Variants in CSTPP1 observed in about 807,000 individuals in gnomAD.
The protein encoded by CSTPP1 is centriolar satellite-associated tubulin polyglutamylase complex regulator 1, also known as UPF0705 protein C11orf49.
the CSTPP1 span, among the ~76,000 whole-genome samples, chr11:47,115,191 T>A: frequency 1.3e-5 from 2 of 152,348 alleles, no homozygotes; most frequent in Non-Finnish European, 2.9e-5. Flanking sequence ...AACTTGATCG[T>A]GGTGGATAAG....
At chr11:47,162,973 A>C in the CSTPP1 span, among the ~76,000 whole-genome samples, 1 of 152,074 alleles carries the variant, frequency 6.6e-6, no homozygotes, top group Non-Finnish European at 1.5e-5. Flanking sequence ...TGAGCCCAGG[A>C]GTTCAGGACC....
At chr11:47,091,243 T>G in the CSTPP1 span, among the ~76,000 whole-genome samples, 1 of 145,144 alleles carries the variant, frequency 6.9e-6, no homozygotes, top group African/African-American at 2.6e-5. Context: ...TACAAAAAAA[T>G]TAGCTGGGCA....
the CSTPP1 span, among the ~76,000 whole-genome samples, chr11:46,976,864 C>T: frequency 1.3e-5 from 2 of 152,112 alleles, no homozygotes; most frequent in Non-Finnish European, 2.9e-5. Flanking sequence ...TGTTTTGCTT[C>T]CTGAGAATAC....
At chr11:47,013,446 A>G in the CSTPP1 span, among the ~76,000 whole-genome samples, 1 of 151,944 alleles carries the variant, frequency 6.6e-6, no homozygotes, top group Non-Finnish European at 1.5e-5. Flanking sequence ...TCCCATCCCC[A>G]TGTCCATGTT....
At chr11:47,104,112 A>G in the CSTPP1 span, among the ~76,000 whole-genome samples, 82 of 152,334 alleles carry the variant, frequency 5.4e-4, no homozygotes, top group Middle Eastern at 3.4e-3. Context: ...TGGTGCGACA[A>G]TGAGCACTCT....
the CSTPP1 span, among the ~76,000 whole-genome samples, chr11:47,129,981 G>A: frequency 2.0e-5 from 3 of 152,156 alleles, no homozygotes; most frequent in East Asian, 1.9e-4. Flanking sequence ...AGGGGCAGCC[G>A]GGTGCGGTGG....
At chr11:47,156,991 C>CCA in the CSTPP1 span, 19 of 1,611,486 alleles carry the variant, frequency 1.2e-5, no homozygotes, top group East Asian at 3.8e-4. Flanking sequence ...CCTGAGCCGT[C>CCA]CACACCCACA....
At chr11:47,038,571 C>CG in the CSTPP1 span, among the ~76,000 whole-genome samples, 2 of 104,462 alleles carry the variant, frequency 1.9e-5, no homozygotes, top group African/African-American at 5.7e-5. Context: ...GGCGGCTGGC[C>CG]GGGCGGGGGG....
At chr11:46,977,244 A>AAC in the CSTPP1 span, among the ~76,000 whole-genome samples, 1 of 152,204 alleles carries the variant, frequency 6.6e-6, no homozygotes, top group Non-Finnish European at 1.5e-5. Context: ...TCCTCAACAA[A>AAC]ACAGCAGCCA....
the CSTPP1 span, among the ~76,000 whole-genome samples, chr11:47,104,699 C>A: frequency 6.6e-6 from 1 of 152,188 alleles, no homozygotes; most frequent in Admixed American, 6.5e-5. Context: ...TGAAGTCCAC[C>A]TCACAGCCTT....
At chr11:47,037,632 T>C in the CSTPP1 span, among the ~76,000 whole-genome samples, 28 of 115,552 alleles carry the variant, frequency 2.4e-4, no homozygotes, top group Admixed American at 4.8e-4. Flanking sequence ...ACAAAGCACA[T>C]CTTGCACCGC....
At chr11:46,957,528 C>T in the CSTPP1 span, among the ~76,000 whole-genome samples, 1 of 152,240 alleles carries the variant, frequency 6.6e-6, no homozygotes, top group East Asian at 1.9e-4. Context: ...GCATTTCTCC[C>T]CTATCTTTTA....
the CSTPP1 span, among the ~76,000 whole-genome samples, chr11:47,063,232 A>G: frequency 6.6e-6 from 1 of 152,156 alleles, no homozygotes; most frequent in Non-Finnish European, 1.5e-5. Context: ...TTAAATATAT[A>G]TATATGGTTT....
At chr11:47,065,738 GATT>G in the CSTPP1 span, among the ~76,000 whole-genome samples, 1 of 151,100 alleles carries the variant, frequency 6.6e-6, no homozygotes, top group Non-Finnish European at 1.5e-5. Flanking sequence ...AAATATAATT[GATT>G]ATTATTATTA....
chr11:47,046,023 G>A, the CSTPP1 span, among the ~76,000 whole-genome samples: 5 of 151,878 alleles, frequency 3.3e-5, no homozygotes, highest in Non-Finnish European at 7.4e-5. Flanking sequence ...CTGACTTCAT[G>A]ATGCACCCGC....
chr11:47,017,220 G>C, the CSTPP1 span, among the ~76,000 whole-genome samples: 5 of 142,940 alleles, frequency 3.5e-5, no homozygotes, highest in African/African-American at 1.1e-4. Flanking sequence ...TGTTCCCCAG[G>C]CTGGAGTGCA....
At chr11:47,060,408 T>C in the CSTPP1 span, among the ~76,000 whole-genome samples, 292 of 151,876 alleles carry the variant, frequency 1.9e-3, 2 homozygotes, top group African/African-American at 6.6e-3. Flanking sequence ...CAGCTAATTT[T>C]TGTATTTTTT....
At chr11:47,044,595 G>T in the CSTPP1 span, among the ~76,000 whole-genome samples, 23 of 152,120 alleles carry the variant, frequency 1.5e-4, no homozygotes, top group Non-Finnish European at 2.6e-4. Flanking sequence ...GGAAACAGAA[G>T]AAAATGATAT....
the CSTPP1 span, among the ~76,000 whole-genome samples, chr11:47,131,542 A>G: frequency 2.0e-5 from 3 of 152,250 alleles, no homozygotes; most frequent in African/African-American, 7.2e-5. Flanking sequence ...CTAGGATTAG[A>G]GTGGATATAA....
Sources: allele counts gnomAD v4.1 joint callset (sites outside exome capture counted in the v4.1 genomes callset), GRCh38; gene constraint gnomAD v4.1.1; transcripts MANE v1.5; gene names NCBI Gene and HGNC (gene_info 2026-07-23, HGNC 2026-07-21).